CCR2: variants seen among roughly 807,000 people sequenced by gnomAD.
CCR2 encodes C-C chemokine receptor type 2.
For missense variants in CCR2, 408 were observed against 440.0 expected, an observed-to-expected ratio of 0.93 and a Z score of 0.65; for synonymous variants, 183 against 177.1, an observed-to-expected ratio of 1.03 and a Z score of -0.27.
chr3:46,358,982 G>T lies in CCR2; in HGVS notation c.*372G>T, dbSNP rs1367094643. 4.7e-6 allele frequency: 5 copies of T among 1,058,836 alleles called. No homozygotes were observed. The highest frequency in any genetic ancestry group is 5.8e-6 in the Non-Finnish European group (5 of 865,578). 65.6% of individuals were successfully genotyped at this position (1,058,836 alleles called of 1,614,324 possible). On this transcript the variant is annotated 3_prime_UTR_variant, in exon 2 of 2. Transcript: ENST00000445132. Reference sequence around the variant, plus strand: ...AGAAGAGAATGTGACAGGCACAGATGAATGGGAGTGAGGGATAGTGGGGTC... The same window carrying T: ...AGAAGAGAATGTGACAGGCACAGATTAATGGGAGTGAGGGATAGTGGGGTC...
chr3:46,357,640 A>G lies in CCR2; in HGVS notation c.113A>G (p.Lys38Arg), dbSNP rs769904472. 36 of 1,613,888 alleles carry G rather than the reference A, an allele frequency of 2.2e-5. No homozygotes were observed. Among genetic ancestry groups the G allele is most frequent in the Non-Finnish European group, 2.9e-5 (34 of 1,180,016 alleles). ...YGAPCHKFDV[K>R]QIGAQLLPPL... ...GCTCCCTGTCATAAATTTGACGTGA[A>G]GCAAATTGGGGCCCAACTCCTGCCT... The change falls in exon 2 of 2, where the codon AAG becomes AGG. Residue 38 changes from lysine to arginine, a missense_variant. By Grantham distance (26) the Lys-to-Arg change is conservative. Transcript: ENST00000445132.
rs921975876 is a variant in CCR2, at chr3:46,358,182, G to T, written c.655G>T (p.Val219Phe). 4.3e-6 allele frequency: 7 copies of T among 1,614,194 alleles called. No homozygotes were observed. Among genetic ancestry groups the T allele is most frequent in the Non-Finnish European group, 5.9e-6 (7 of 1,180,030 alleles). The change falls in exon 2 of 2, where the codon GTC becomes TTC. Residue 219 changes from valine to phenylalanine, a missense_variant. Val to Phe is a conservative substitution (Grantham distance 50). Transcript: ENST00000445132. ...GCTGGTCCTGCCGCTGCTCATCATG[G>T]TCATCTGCTACTCGGGAATCCTGAA... The part of the protein sequence containing the change: ...LGLVLPLLIM[V>F]ICYSGILKTL...
rs200099906 is a variant in CCR2, at chr3:46,357,667, C to T, written c.140C>T (p.Pro47Leu). 7.4e-5 allele frequency: 119 copies of T among 1,613,984 alleles called. No individual in the cohort carries two copies. The highest frequency in any genetic ancestry group is 9.3e-5 in the African/African-American group (7 of 74,906). Residue 47 changes from proline (P) to leucine (L), a missense_variant, in exon 2 of 2, where the codon CCG (proline) becomes CTG (leucine). Physicochemically the swap from Pro to Leu is moderately conservative, Grantham distance 98 (BLOSUM62 -3). Transcript: ENST00000445132. ...CAAATTGGGGCCCAACTCCTGCCTC[C>T]GCTCTACTCGCTGGTGTTCATCTTT... is the stretch of plus-strand genomic sequence containing the variant. ...VKQIGAQLLP[P>L]LYSLVFIFGF...
Position 46,359,771 on chromosome 3 carries a change from A to C in CCR2, c.*1161A>C, listed in dbSNP as rs757455917. On this transcript the variant is annotated 3_prime_UTR_variant, in exon 2 of 2. Transcript: ENST00000445132. Reference sequence around the variant, plus strand: ...GAGACCAGGAAAGAATGTGAAAGTGACTACACAAGGACTCCTCGATGGTCG... The same window carrying C: ...GAGACCAGGAAAGAATGTGAAAGTGCCTACACAAGGACTCCTCGATGGTCG... The C allele has an allele frequency of 6.2e-7, 1 of 1,614,138 alleles. No homozygotes were observed. The highest frequency in any genetic ancestry group is 8.5e-7 in the Non-Finnish European group (1 of 1,180,004).
Position 46,359,814 on chromosome 3 carries a change from T to C in CCR2, c.*1204T>C, listed in dbSNP as rs1434174167. The C allele has an allele frequency of 1.2e-6, 2 of 1,613,962 alleles. No individual in the cohort carries two copies. Among genetic ancestry groups the C allele is most frequent in the African/African-American group, 1.3e-5 (1 of 74,900 alleles). On this transcript the variant is annotated 3_prime_UTR_variant, in exon 2 of 2. Coordinates refer to ENST00000445132, the MANE Select transcript of CCR2 (RefSeq NM_001123396.4). ...GATGGTCGTGGAAAAGGAAAGTCAA[T>C]TGGCAGAGCCCCTGAAGCCAGTCTT...
Position 46,360,054 on chromosome 3 carries a change from G to GAC in CCR2, c.*1445_*1446dup. ...TTTTTGAATACAGGCATAGAGTTCA[G>GAC]ACTTTTTTTAAATAGTAAAAATAAA... On this transcript the variant is annotated 3_prime_UTR_variant, in exon 2 of 2. Transcript: ENST00000445132. The GAC allele has an allele frequency of 5.7e-6, 3 of 527,930 alleles. No individual in the cohort carries two copies. In the South Asian group the frequency reaches 8.6e-5, roughly 15 times the overall value. 32.7% of individuals were successfully genotyped at this position (527,930 alleles called of 1,614,324 possible). A position where few individuals can be genotyped will look rare whatever the true frequency, so the allele number is the denominator to read the frequency against.
rs935510475 is a variant in CCR2, at chr3:46,359,523, A to G, written c.*913A>G. On this transcript the variant is annotated 3_prime_UTR_variant, in exon 2 of 2. Transcript: ENST00000445132. ...CAAAGGACGGGGATCGTGTGGAACCACTGCAGAACTATTTCCGAAATCAAC... is the reference window on the plus strand; with the variant it reads ...CAAAGGACGGGGATCGTGTGGAACCGCTGCAGAACTATTTCCGAAATCAAC... The G allele has an allele frequency of 5.1e-5, 50 of 976,506 alleles. No homozygotes were observed. In the Admixed American group the frequency reaches 9.9e-4, roughly 19 times the overall value. The allele number at this position is 976,506 out of a possible 1,614,324, so 60.5% of individuals were successfully genotyped here.
At position 46,359,928 on chromosome 3, in the gene CCR2, G is replaced by A. The variant is rs368842919; in HGVS notation, c.*1318G>A. 192 of 1,443,026 alleles carry A rather than the reference G, an allele frequency of 1.3e-4. No individual in the cohort carries two copies. The African/African-American group carries it at 2.5e-3, about 19-fold the overall frequency. 89.4% of individuals were successfully genotyped at this position (1,443,026 alleles called of 1,614,324 possible). A position where few individuals can be genotyped will look rare whatever the true frequency, so the allele number is the denominator to read the frequency against. On this transcript the variant is annotated 3_prime_UTR_variant, in exon 2 of 2. Coordinates refer to ENST00000445132, the MANE Select transcript of CCR2 (RefSeq NM_001123396.4). ...GCTTCACAGATGTGTGATTCACAGT[G>A]TGAATCTTGGTGTCTACGTTACCAG...
At chr3:46,357,018 T>C (rs1701466058) in intron 1 of CCR2, among the ~76,000 whole-genome samples, 1 of 151,926 alleles carries the variant, frequency 6.6e-6, no homozygotes, top group African/African-American at 2.4e-5. Flanking sequence ...GTTCTCTAGG[T>C]CTTCCATTCA....
rs768179177 is a variant in CCR2, at chr3:46,359,696, G to T, written c.*1086G>T. 23 of 1,612,642 alleles carry T rather than the reference G, an allele frequency of 1.4e-5. No individual in the cohort carries two copies. The highest frequency in any genetic ancestry group is 1.9e-5 in the Non-Finnish European group (23 of 1,179,670). Reference sequence around the variant, plus strand: ...CCACAGCCTTTTTCACATAGCTCTTGGCTGTAGGATTGCCCCACTCCAAAA... The same window carrying T: ...CCACAGCCTTTTTCACATAGCTCTTTGCTGTAGGATTGCCCCACTCCAAAA... On this transcript the variant is annotated 3_prime_UTR_variant, in exon 2 of 2. Transcript: ENST00000445132.
chr3:46,356,558 C>T (rs199869211), intron 1 of CCR2, among the ~76,000 whole-genome samples: 1 of 152,102 alleles, frequency 6.6e-6, no homozygotes, highest in Non-Finnish European at 1.5e-5. Context: ...GAAGTTTTGG[C>T]AGGATGATGG....
Position 46,358,218 on chromosome 3 carries a change from C to T in CCR2, c.691C>T (p.Arg231Trp), listed in dbSNP as rs934480642. ...CTCGGGAATCCTGAAAACCCTGCTT[C>T]GGTGTCGAAACGAGAAGAAGAGGCA... ...CYSGILKTLL[R>W]CRNEKKRHRA... The change falls in exon 2 of 2, where the codon CGG becomes TGG. Residue 231 changes from arginine (R) to tryptophan (W), a missense_variant. Arg to Trp is a moderately radical substitution (Grantham distance 101). Transcript: ENST00000445132. 6.2e-6 allele frequency: 10 copies of T among 1,614,062 alleles called. No homozygotes were observed. Among genetic ancestry groups the T allele is most frequent in the Middle Eastern group, 1.6e-4 (1 of 6,084 alleles).
rs1458945042 is a variant in CCR2 at position 46,360,125 on chromosome 3, T to C, written c.*1515T>C. 2.5e-6 allele frequency: 1 copy of C among 404,874 alleles called. No individual in the cohort carries two copies. The highest frequency in any genetic ancestry group is 4.4e-6 in the Non-Finnish European group (1 of 226,546). The allele number at this position is 404,874 out of a possible 1,614,324, so 25.1% of individuals were successfully genotyped here. A position where few individuals can be genotyped will look rare whatever the true frequency, so the allele number is the denominator to read the frequency against. ...CTTGTAAATGTGGTAAAGAGTTAGT[T>C]TGAGTTACTATCATGTCAAACGTGA... On this transcript the variant is annotated 3_prime_UTR_variant, in exon 2 of 2. Coordinates refer to ENST00000445132, the MANE Select transcript of CCR2 (RefSeq NM_001123396.4).
At chr3:46,357,197 G>A (rs2106717595) in intron 1 of CCR2, among the ~76,000 whole-genome samples, 1 of 152,356 alleles carries the variant, frequency 6.6e-6, no homozygotes, top group Non-Finnish European at 1.5e-5. Flanking sequence ...ACCTGCAAAG[G>A]AGCCAGAGAA....
chr3:46,357,776 C>A lies in CCR2; in HGVS notation c.249C>A (p.Asn83Lys). The A allele has an allele frequency of 6.2e-7, 1 of 1,614,200 alleles. No homozygotes were observed. The highest frequency in any genetic ancestry group is 1.1e-5 in the South Asian group (1 of 91,084). ...LKCLTDIYLLNLAISDLLFLI... is the reference protein window; with the variant it reads ...LKCLTDIYLLKLAISDLLFLI... ...GCTTGACTGACATTTACCTGCTCAA[C>A]CTGGCCATCTCTGATCTGCTTTTTC... The change falls in exon 2 of 2, where the codon AAC (asparagine) becomes AAA (lysine). Residue 83 changes from asparagine to lysine, a missense_variant. Asn to Lys is a moderately conservative substitution (Grantham distance 94). Transcript: ENST00000445132.
At position 46,359,427 on chromosome 3, in the gene CCR2, C is replaced by T. The variant is rs907705553; in HGVS notation, c.*817C>T. On this transcript the variant is annotated 3_prime_UTR_variant, in exon 2 of 2. Transcript: ENST00000445132. ...TATGTATATGCAATATATATAGGCT[C>T]TTGCTTGATCTCTCCAGGAGGTAGT... 4.5e-6 allele frequency: 5 copies of T among 1,103,864 alleles called. No homozygotes were observed. Among genetic ancestry groups the T allele is most frequent in the Non-Finnish European group, 5.8e-6 (5 of 857,882 alleles). The allele number at this position is 1,103,864 out of a possible 1,614,324, so 68.4% of individuals were successfully genotyped here.
rs1471741242 is a variant in CCR2, at chr3:46,357,865, G to A, written c.338G>A (p.Cys113Tyr). 3 of 1,614,072 alleles carry A rather than the reference G, an allele frequency of 1.9e-6. No individual in the cohort carries two copies. The highest frequency in any genetic ancestry group is 2.5e-6 in the Non-Finnish European group (3 of 1,180,026). The change falls in exon 2 of 2, where the codon TGC (cysteine) becomes TAC (tyrosine). Residue 113 changes from cysteine to tyrosine, a missense_variant. Coordinates refer to ENST00000445132, the MANE Select transcript of CCR2 (RefSeq NM_001123396.4). ...GAGTGGGTCTTTGGGAATGCAATGTGCAAATTATTCACAGGGCTGTATCAC... is the reference window on the plus strand; with the variant it reads ...GAGTGGGTCTTTGGGAATGCAATGTACAAATTATTCACAGGGCTGTATCAC... ...ANEWVFGNAM[C>Y]KLFTGLYHIG...
Position 46,358,225 on chromosome 3 carries a change from G to C in CCR2, c.698G>C (p.Arg233Pro). 6.2e-7 allele frequency: 1 copy of C among 1,614,128 alleles called. No homozygotes were observed. The highest frequency in any genetic ancestry group is 8.5e-7 in the Non-Finnish European group (1 of 1,180,008). Reference protein sequence around the residue: ...SGILKTLLRCRNEKKRHRAVR... With the variant: ...SGILKTLLRCPNEKKRHRAVR... ...ATCCTGAAAACCCTGCTTCGGTGTC[G>C]AAACGAGAAGAAGAGGCATAGGGCA... Residue 233 changes from arginine to proline, a missense_variant, in exon 2 of 2, where the codon CGA (arginine) becomes CCA (proline). Physicochemically the swap from Arg to Pro is moderately radical, Grantham distance 103. Transcript: ENST00000445132.
chr3:46,354,508 G>A (rs1254413419), intron 1 of CCR2, among the ~76,000 whole-genome samples: 2 of 152,178 alleles, frequency 1.3e-5, no homozygotes, highest in Non-Finnish European at 2.9e-5. Flanking sequence ...GGAACTGTTA[G>A]TCTAAATATA....
Sources: gnomAD v4.1 joint callset for allele counts (sites outside exome capture counted in the v4.1 genomes callset) on GRCh38, gnomAD v4.1.1 for gene constraint, MANE v1.5 for transcripts, NCBI Gene and HGNC (gene_info 2026-07-23, HGNC 2026-07-21) for gene names.